Variants in MMP15 observed in about 807,000 individuals in gnomAD.
MMP15 encodes matrix metallopeptidase 15, also known as matrix metalloproteinase-15.
Under a neutral mutation model 65.0 loss-of-function variants are expected in MMP15, and 36 were observed. The ratio of observed to expected loss-of-function variants is 0.55; its 90% CI spans 0.42 to 0.73. The LOEUF is 0.73. Ranked by LOEUF, MMP15 falls within the 30% of genes least tolerant of loss-of-function variation. MMP15 has a pLI of 0.00. For missense variants in MMP15, 870 were observed against 987.8 expected, an observed-to-expected ratio of 0.88 and a Z score of 1.60; for synonymous variants, 428 against 410.2, an observed-to-expected ratio of 1.04 and a Z score of -0.52.
At chr16:58,040,969 C>T (rs761396960) in intron 5 of MMP15, 4 of 547,334 alleles carry the variant, frequency 7.3e-6, no homozygotes, top group African/African-American at 1.9e-5. Flanking sequence ...TCCTCTCCTC[C>T]TCACCCTTGG....
intron 4 of MMP15, 25 bp downstream of exon 4, chr16:58,040,207 G>T: frequency 6.3e-7 from 1 of 1,586,348 alleles, no homozygotes; most frequent in Non-Finnish European, 8.6e-7. Context: ...CCAGGGTGAG[G>T]GGCAGGGCAG....
intron 1 of MMP15, among the ~76,000 whole-genome samples, chr16:58,031,598 T>C (rs1963889951): frequency 6.6e-6 from 1 of 151,864 alleles, no homozygotes; most frequent in East Asian, 1.9e-4. Flanking sequence ...AGTTAAGGAG[T>C]GTGGGGCAGG....
chr16:58,030,061 C>T (rs1963874248), intron 1 of MMP15, among the ~76,000 whole-genome samples: 1 of 152,164 alleles, frequency 6.6e-6, no homozygotes, highest in Admixed American at 6.5e-5. Context: ...CTTTCCAGAT[C>T]AAATCAGAAT....
chr16:58,045,593 T>G lies in MMP15; in HGVS notation c.*147T>G, dbSNP rs1428777514. ...CCCTCATTATTTATGTCCAGGTGTTTGTTTTGTTTTGTTTTTGGCACCTTA... is the reference window on the plus strand; with the variant it reads ...CCCTCATTATTTATGTCCAGGTGTTGGTTTTGTTTTGTTTTTGGCACCTTA... On this transcript the variant is annotated 3_prime_UTR_variant, in exon 10 of 10. Coordinates refer to ENST00000219271, the MANE Select transcript of MMP15 (RefSeq NM_002428.4). 24 of 656,966 alleles carry G rather than the reference T, an allele frequency of 3.7e-5. No individual in the cohort carries two copies. In the Admixed American group the frequency reaches 8.0e-4, roughly 22 times the overall value. 40.7% of individuals were successfully genotyped at this position (656,966 alleles called of 1,614,324 possible). A position where few individuals can be genotyped will look rare whatever the true frequency, so the allele number is the denominator to read the frequency against.
chr16:58,035,977 G>A (rs1016918462), intron 1 of MMP15, among the ~76,000 whole-genome samples: 4 of 152,214 alleles, frequency 2.6e-5, no homozygotes. Flanking sequence ...GGTATTAGAT[G>A]TAACACTGGT....
chr16:58,029,746 G>T (rs1464540404), intron 1 of MMP15, among the ~76,000 whole-genome samples: 1 of 152,104 alleles, frequency 6.6e-6, no homozygotes, highest in Admixed American at 6.6e-5. Context: ...CCACCCCAAG[G>T]GATGTTGATA....
chr16:58,033,072 C>A (rs1483659693), intron 1 of MMP15, among the ~76,000 whole-genome samples: 4 of 152,222 alleles, frequency 2.6e-5, no homozygotes, highest in Non-Finnish European at 4.4e-5. Flanking sequence ...CCCACTCCCC[C>A]ACCGTGGCGG....
intron 7 of MMP15, 45 bp from the exon 8 acceptor site, chr16:58,043,165 T>A: frequency 6.6e-7 from 1 of 1,507,812 alleles, no homozygotes; most frequent in Non-Finnish European, 8.9e-7. Flanking sequence ...CACACACCCC[T>A]CAGCCCCAGG....
At position 58,043,293 on chromosome 16, in the gene MMP15, T is replaced by A; in HGVS notation, c.1387T>A (p.Tyr463Asn). Residue 463 changes from tyrosine to asparagine, a missense_variant, in exon 8 of 10, where the codon TAT becomes AAT. Physicochemically the swap from Tyr to Asn is moderately radical, Grantham distance 143 (BLOSUM62 -2). Coordinates refer to ENST00000219271, the MANE Select transcript of MMP15 (RefSeq NM_002428.4). ...GACCAGCTATGGCCTGGGCATCCCC[T>A]ATGACCGCATTGACACGGCCATCTG... is the stretch of plus-strand genomic sequence containing the variant. ...PLTSYGLGIP[Y>N]DRIDTAIWWE... 6.2e-7 allele frequency: 1 copy of A among 1,604,910 alleles called. No homozygotes were observed. Among genetic ancestry groups the A allele is most frequent in the Non-Finnish European group, 8.5e-7 (1 of 1,175,218 alleles).
Position 58,046,562 on chromosome 16 carries a change from G to T in MMP15, c.*1116G>T, listed in dbSNP as rs773426113. The T allele has an allele frequency of 6.5e-6, 1 of 152,782 alleles. No individual in the cohort carries two copies. The highest frequency in any genetic ancestry group is 1.5e-5 in the Non-Finnish European group (1 of 68,172). 9.5% of individuals were successfully genotyped at this position (152,782 alleles called of 1,614,324 possible). On this transcript the variant is annotated 3_prime_UTR_variant, in exon 10 of 10. Transcript: ENST00000219271. ...CTAAGAGGCTGCCCTCCTGTGCTCA[G>T]CCCTGAGGACAGATGCCTCCTTCCT...
In MMP15 at chr16:58,034,079, C is replaced by G. The variant is rs535681828; in HGVS notation, c.163-3393C>G. ...GTCCTGCTTCAAATTCTGCCGTACT[C>G]TGCCACTTACAAGACTTTCTGAGCC... On this transcript the variant is annotated intron_variant, in intron 1 of 9. Coordinates refer to ENST00000219271, the MANE Select transcript of MMP15 (RefSeq NM_002428.4). 3.3e-5 allele frequency among the ~76,000 whole-genome samples: 5 copies of G among 152,382 alleles called. No homozygotes were observed. The East Asian group carries it at 9.6e-4, about 29-fold the overall frequency.
At chr16:58,032,235 G>A (rs1374070863) in intron 1 of MMP15, among the ~76,000 whole-genome samples, 2 of 152,200 alleles carry the variant, frequency 1.3e-5, no homozygotes, top group Admixed American at 1.3e-4. Context: ...TTGGTGGGTC[G>A]GAGTGATGAT....
chr16:58,045,218 G>T lies in MMP15; in HGVS notation c.1782G>T (p.Val594=), dbSNP rs766678130. Residue 594 remains valine (V), a synonymous_variant, in exon 10 of 10, where the codon GTG becomes GTT. Coordinates refer to ENST00000219271, the MANE Select transcript of MMP15 (RefSeq NM_002428.4). The part of the protein sequence containing the change: ...EPGADSAEGD[V]GDGDGDFGAG... ...GGGCGGACAGCGCAGAGGGCGACGT[G>T]GGGGATGGGGATGGGGACTTTGGGG... The T allele has an allele frequency of 5.0e-6, 8 of 1,598,184 alleles. No individual in the cohort carries two copies. The highest frequency in any genetic ancestry group is 2.3e-5 in the East Asian group (1 of 44,256).
Position 58,041,635 on chromosome 16 carries a change from C to T in MMP15, c.929C>T (p.Pro310Leu), listed in dbSNP as rs1258001495. The T allele has an allele frequency of 1.3e-6, 2 of 1,574,948 alleles. No individual in the cohort carries two copies. Among genetic ancestry groups the T allele is most frequent in the African/African-American group, 1.4e-5 (1 of 73,538 alleles). Residue 310 changes from proline (P) to leucine (L), a missense_variant, in exon 6 of 10, where the codon CCA becomes CTA. Coordinates refer to ENST00000219271, the MANE Select transcript of MMP15 (RefSeq NM_002428.4). ...QQLYGTPDGQPQPTQPLPTVT... is the reference protein window; with the variant it reads ...QQLYGTPDGQLQPTQPLPTVT... ...TCTGCAGGTACCCCAGACGGTCAGC[C>T]ACAGCCTACCCAGCCTCTCCCCACT...
chr16:58,041,668 C>G lies in MMP15; in HGVS notation c.962C>G (p.Pro321Arg). The G allele has an allele frequency of 6.3e-7, 1 of 1,580,708 alleles. No homozygotes were observed. The highest frequency in any genetic ancestry group is 8.6e-7 in the Non-Finnish European group (1 of 1,163,716). Residue 321 changes from proline to arginine, a missense_variant, in exon 6 of 10, where the codon CCA (proline) becomes CGA (arginine). By Grantham distance (103) the Pro-to-Arg change is moderately radical. Coordinates refer to ENST00000219271, the MANE Select transcript of MMP15 (RefSeq NM_002428.4). ...QPTQPLPTVT[P>R]RRPGRPDHRP... ...ACCCAGCCTCTCCCCACTGTGACGC[C>G]ACGGCGGCCAGGCCGGCCTGACCAC... is the stretch of plus-strand genomic sequence containing the variant.
intron 1 of MMP15, among the ~76,000 whole-genome samples, chr16:58,036,799 T>G (rs1401359359): frequency 6.6e-6 from 1 of 152,224 alleles, no homozygotes; most frequent in Admixed American, 6.5e-5. Flanking sequence ...CTGAATCCTT[T>G]TGGGTCCTTG....
Position 58,045,196 on chromosome 16 carries a change from C to T in MMP15, c.1760C>T (p.Ala587Val), listed in dbSNP as rs774993898. The T allele has an allele frequency of 6.3e-6, 10 of 1,592,724 alleles. No homozygotes were observed. Among genetic ancestry groups the T allele is most frequent in the East Asian group, 2.3e-5 (1 of 44,082 alleles). Residue 587 changes from alanine to valine, a missense_variant, in exon 10 of 10, where the codon GCG becomes GTG. Coordinates refer to ENST00000219271, the MANE Select transcript of MMP15 (RefSeq NM_002428.4). ...FNPHGGAEPG[A>V]DSAEGDVGDG... ...CCCCACGGGGGTGCAGAGCCCGGGG[C>T]GGACAGCGCAGAGGGCGACGTGGGG...
chr16:58,039,381 G>A (rs111945754), intron 3 of MMP15, among the ~76,000 whole-genome samples: 68 of 152,334 alleles, frequency 4.5e-4, no homozygotes, highest in Admixed American at 7.8e-4. Flanking sequence ...GCAGTGAGCC[G>A]AGATTGCGCC....
intron 1 of MMP15, 38 bp from the exon 2 acceptor site, chr16:58,037,434 T>C (rs111772268): frequency 5.6e-6 from 9 of 1,605,948 alleles, no homozygotes; most frequent in African/African-American, 4.0e-5. Context: ...GAGGTAGCAG[T>C]GCCAGGACCT....
Sources: allele counts gnomAD v4.1 joint callset (sites outside exome capture counted in the v4.1 genomes callset), GRCh38; gene constraint gnomAD v4.1.1; transcripts MANE v1.5; gene names NCBI Gene and HGNC (gene_info 2026-07-23, HGNC 2026-07-21).